Variants in AGTPBP1 observed in about 807,000 individuals in gnomAD.
AGTPBP1 encodes cytosolic carboxypeptidase 1.
In AGTPBP1, 70 loss-of-function variants were observed where a neutral mutation model predicts 143.9. The ratio of observed to expected loss-of-function variants is 0.49; its 90% confidence interval spans 0.40 to 0.59. AGTPBP1 has a LOEUF of 0.59. Among genes scored for constraint, AGTPBP1 ranks in the 20% least tolerant of loss-of-function variants. The pLI, the probability that AGTPBP1 is intolerant of heterozygous loss-of-function variation, is 0.00. For synonymous variants in AGTPBP1, 463 were observed against 500.2 expected (o/e 0.93, Z 0.99); for missense variants, 1,229 against 1,464.5 (o/e 0.84, Z 2.62).
intron 1 of AGTPBP1, among the ~76,000 whole-genome samples, chr9:85,719,076 G>A (rs1837925768): frequency 6.6e-6 from 1 of 152,128 alleles, no homozygotes; most frequent in Admixed American, 6.5e-5. Flanking sequence ...CTGTAGCCTT[G>A]CAGTATAGTT....
At chr9:85,650,330 T>C (rs915715908) in intron 11 of AGTPBP1, among the ~76,000 whole-genome samples, 1 of 152,088 alleles carries the variant, frequency 6.6e-6, no homozygotes, top group African/African-American at 2.4e-5. Context: ...ACTCCTCAGA[T>C]AGCAAAACCC....
the AGTPBP1 span, among the ~76,000 whole-genome samples, chr9:85,769,038 G>A: frequency 6.8e-6 from 1 of 146,618 alleles, no homozygotes; most frequent in Non-Finnish European, 1.5e-5. Flanking sequence ...GACAAAGTGA[G>A]TGAGGCCCTG....
At chr9:85,574,079 T>C (rs1437754504) in intron 25 of AGTPBP1, among the ~76,000 whole-genome samples, 2 of 152,204 alleles carry the variant, frequency 1.3e-5, no homozygotes, top group Non-Finnish European at 2.9e-5. Flanking sequence ...GCTGCGTCTG[T>C]GTAGAAAGAA....
chr9:85,639,403 G>T (rs1280216245), intron 13 of AGTPBP1, among the ~76,000 whole-genome samples: 1 of 130,878 alleles, frequency 7.6e-6, no homozygotes, highest in African/African-American at 2.9e-5. Context: ...ACACACATAT[G>T]AAAAGAATAA....
In AGTPBP1 at chr9:85,664,971, A is replaced by G. The variant is rs556005730; in HGVS notation, c.663-3998T>C. On this transcript the variant is annotated intron_variant, in intron 8 of 25. Transcript: ENST00000357081. Reference sequence around the variant, plus strand: ...TAGATGTCAAGTTTTGTGAAAGACTATGCAAACTATGCAAAGTTAAGACAC... The same window carrying G: ...TAGATGTCAAGTTTTGTGAAAGACTGTGCAAACTATGCAAAGTTAAGACAC... Among the ~76,000 whole-genome samples, 6 of 152,318 alleles carry G rather than the reference A, an allele frequency of 3.9e-5. No individual in the cohort carries two copies. The South Asian group carries it at 1.0e-3, about 26-fold the overall frequency.
intron 1 of AGTPBP1, among the ~76,000 whole-genome samples, chr9:85,735,558 C>A (rs1839189945): frequency 6.6e-6 from 1 of 152,076 alleles, no homozygotes; most frequent in Non-Finnish European, 1.5e-5. Flanking sequence ...GTTTTACCAC[C>A]AATTTTTAAA....
At chr9:85,677,665 C>G in intron 5 of AGTPBP1, 83 bp from the exon 6 acceptor site, 8 of 1,186,398 alleles carry the variant, frequency 6.7e-6, no homozygotes, top group Non-Finnish European at 9.1e-6. Context: ...GGTATCATAA[C>G]TTGTTAGCAT....
At chr9:85,671,116 C>CTT (rs759666236) in intron 7 of AGTPBP1, among the ~76,000 whole-genome samples, 3 of 144,108 alleles carry the variant, frequency 2.1e-5, no homozygotes, top group Non-Finnish European at 3.1e-5. Context: ...CAATTTTTTC[C>CTT]TTTTTTTTTT....
intron 8 of AGTPBP1, among the ~76,000 whole-genome samples, chr9:85,663,773 A>T (rs752416325): frequency 1.3e-5 from 2 of 152,110 alleles, no homozygotes; most frequent in Non-Finnish European, 2.9e-5. Flanking sequence ...TGATCCAGCC[A>T]TTCTACTCCT....
At chr9:85,603,580 A>C (rs933686342) in intron 17 of AGTPBP1, among the ~76,000 whole-genome samples, 1 of 152,204 alleles carries the variant, frequency 6.6e-6, no homozygotes, top group South Asian at 2.1e-4. Context: ...GGGTGGCCAC[A>C]GGGAGGTAAT....
chr9:85,601,830 A>G (rs1829691739), intron 17 of AGTPBP1, among the ~76,000 whole-genome samples: 1 of 152,132 alleles, frequency 6.6e-6, no homozygotes, highest in South Asian at 2.1e-4. Context: ...GTGCCCAAGG[A>G]ATGGCCGACC....
intron 11 of AGTPBP1, among the ~76,000 whole-genome samples, chr9:85,650,977 T>C (rs1833129534): frequency 6.6e-6 from 1 of 152,226 alleles, no homozygotes; most frequent in South Asian, 2.1e-4. Flanking sequence ...ACATACATAT[T>C]TGCTAATCTG....
intron 11 of AGTPBP1, 94 bp downstream of exon 11, chr9:85,655,049 C>A: frequency 1.7e-6 from 2 of 1,154,016 alleles, no homozygotes; most frequent in Non-Finnish European, 2.3e-6. Context: ...TAAGGCCTTC[C>A]TTTGCTGAGG....
In AGTPBP1 at chr9:85,589,687, T is replaced by C. The variant is rs766968512; in HGVS notation, c.2569-6A>G. 1 of 1,600,606 alleles carries C rather than the reference T, an allele frequency of 6.2e-7. No homozygotes were observed. Among genetic ancestry groups the C allele is most frequent in the Non-Finnish European group, 8.5e-7 (1 of 1,175,000 alleles). On this transcript the variant is annotated splice_polypyrimidine_tract_variant and splice_region_variant and intron_variant, in intron 19 of 25. Coordinates refer to ENST00000357081, the MANE Select transcript of AGTPBP1 (RefSeq NM_001330701.2). ...TCCAATTTTTGAAGATGCATCTTGA[T>C]AAAAATTTTAAAACAAAATATACAA...
intron 19 of AGTPBP1, among the ~76,000 whole-genome samples, chr9:85,591,646 T>C (rs909162274): frequency 5.9e-5 from 9 of 152,158 alleles, no homozygotes; most frequent in Non-Finnish European, 1.0e-4. Context: ...GAAAGATATA[T>C]GAACATTGTA....
chr9:85,617,368 T>C (rs1830654936), intron 17 of AGTPBP1, among the ~76,000 whole-genome samples: 4 of 152,294 alleles, frequency 2.6e-5, no homozygotes, highest in Admixed American at 2.6e-4. Context: ...CAAGTTTTCT[T>C]GTATGCCAGA....
At chr9:85,657,700 G>T in intron 9 of AGTPBP1, 57 bp from the exon 10 acceptor site, 1 of 1,288,478 alleles carries the variant, frequency 7.8e-7, no homozygotes, top group African/African-American at 1.5e-5. Context: ...GTGAGTGGTA[G>T]AATAATCAAA....
intron 8 of AGTPBP1, 131 bp from the exon 9 acceptor site, chr9:85,661,104 T>C (rs1392741058): frequency 1.4e-6 from 1 of 690,098 alleles, no homozygotes; most frequent in African/African-American, 1.9e-5. Context: ...TTGTTTAAGA[T>C]AATTACACAT....
intron 11 of AGTPBP1, among the ~76,000 whole-genome samples, chr9:85,649,063 C>A (rs1661591773): frequency 6.6e-6 from 1 of 152,044 alleles, no homozygotes; most frequent in African/African-American, 2.4e-5. Flanking sequence ...ATACCAGTAC[C>A]AATAATTAAC....
Sources: gnomAD v4.1 joint callset for allele counts (sites outside exome capture counted in the v4.1 genomes callset) on GRCh38, gnomAD v4.1.1 for gene constraint, MANE v1.5 for transcripts, NCBI Gene and HGNC (gene_info 2026-07-23, HGNC 2026-07-21) for gene names.